N4BP2: variants seen among roughly 807,000 people sequenced by gnomAD.
N4BP2 encodes NEDD4-binding protein 2.
N4BP2 carries 91 observed loss-of-function variants against 152.8 expected under a neutral mutation model. That is an observed-to-expected ratio of 0.60 (90% CI 0.50 to 0.71). N4BP2 has a LOEUF of 0.71. Among genes scored for constraint, N4BP2 ranks in the 30% least tolerant of loss-of-function variants. The pLI, the probability that N4BP2 is intolerant of heterozygous loss-of-function variation, is 0.00. For synonymous variants in N4BP2, 646 were observed against 705.3 expected, an observed-to-expected ratio of 0.92 and a Z score of 1.33; for missense variants, 1,923 against 2,059.1, an observed-to-expected ratio of 0.93 and a Z score of 1.28.
At chr4:40,085,840 AATTTT>A (rs1439378531) in intron 2 of N4BP2, among the ~76,000 whole-genome samples, 22 of 152,194 alleles carry the variant, frequency 1.4e-4, no homozygotes, top group African/African-American at 5.3e-4. Flanking sequence ...CATTTGATTT[AATTTT>A]ATTTTCTAGT....
At chr4:40,062,913 A>G (rs1333404775) in intron 1 of N4BP2, among the ~76,000 whole-genome samples, 1 of 152,128 alleles carries the variant, frequency 6.6e-6, no homozygotes, top group Admixed American at 6.6e-5. Context: ...CTTTTATTAC[A>G]TTGTGATTGC....
At chr4:40,092,014 A>T (rs1386270323) in intron 2 of N4BP2, among the ~76,000 whole-genome samples, 8 of 85,790 alleles carry the variant, frequency 9.3e-5, no homozygotes, top group African/African-American at 3.6e-4. Context: ...AAAATTATAT[A>T]TATATATATA....
At chr4:40,146,951 T>A (rs1321754158) in intron 16 of N4BP2, among the ~76,000 whole-genome samples, 1 of 149,854 alleles carries the variant, frequency 6.7e-6, no homozygotes, top group Non-Finnish European at 1.5e-5. Context: ...CTTGGGTGTT[T>A]CTCGCAGAGG....
In N4BP2 at chr4:40,102,060, CTTG is replaced by C. The variant is rs765308394; in HGVS notation, c.230-7_230-5del. The C allele has an allele frequency of 2.1e-6, 3 of 1,458,570 alleles. No individual in the cohort carries two copies. The highest frequency in any genetic ancestry group is 2.3e-5 in the Admixed American group (1 of 43,696). 90.4% of individuals were successfully genotyped at this position (1,458,570 alleles called of 1,614,324 possible). A position where few individuals can be genotyped will look rare whatever the true frequency, so the allele number is the denominator to read the frequency against. On this transcript the variant is annotated splice_polypyrimidine_tract_variant and intron_variant, in intron 3 of 17. Transcript: ENST00000261435. ...CTATATTTTTGTTGTTGTTATTATT[CTTG>C]TTGTTGTACAGTTGAAAATGCTATG...
chr4:40,144,954 C>T (rs1720374626), intron 16 of N4BP2, among the ~76,000 whole-genome samples, 154 bp downstream of exon 16: 1 of 152,198 alleles, frequency 6.6e-6, no homozygotes, highest in Non-Finnish European at 1.5e-5. Context: ...AGAGAACCTT[C>T]TTGGGAAAGG....
intron 13 of N4BP2, 64 bp from the exon 14 acceptor site, chr4:40,136,880 G>A: frequency 8.0e-7 from 1 of 1,251,660 alleles, no homozygotes; most frequent in Non-Finnish European, 1.1e-6. Flanking sequence ...GATTGCTTGT[G>A]TTAATGTCCC....
chr4:40,120,976 A>G lies in N4BP2; in HGVS notation c.2865A>G (p.Glu955=). ...GAAGTTCTGAAATGCTGCTCAGTGA[A>G]ATGACCTGTGAGAGTCAGACTTGTC... ...NLGSSEMLLS[E]MTCESQTCLS... The change falls in exon 9 of 18, where the codon GAA becomes GAG. Residue 955 remains glutamate, a synonymous_variant. Coordinates refer to ENST00000261435, the MANE Select transcript of N4BP2 (RefSeq NM_018177.6). 1 of 1,614,204 alleles carries G rather than the reference A, an allele frequency of 6.2e-7. No individual in the cohort carries two copies. Among genetic ancestry groups the G allele is most frequent in the Non-Finnish European group, 8.5e-7 (1 of 1,180,040 alleles).
intron 13 of N4BP2, among the ~76,000 whole-genome samples, chr4:40,134,562 ATCT>A (rs1560629942): frequency 6.6e-6 from 1 of 152,092 alleles, no homozygotes; most frequent in East Asian, 1.9e-4. Context: ...TTGAGGTGTA[ATCT>A]TCTAGGGCTG....
At chr4:40,172,330 C>T in the N4BP2 span, among the ~76,000 whole-genome samples, 6 of 152,232 alleles carry the variant, frequency 3.9e-5, no homozygotes, top group African/African-American at 1.4e-4. Flanking sequence ...TTTCCCAGTG[C>T]ACTGACTCAA....
intron 2 of N4BP2, chr4:40,077,877 A>G (rs755121234): frequency 1.3e-5 from 2 of 152,206 alleles, no homozygotes; most frequent in Non-Finnish European, 2.9e-5. Flanking sequence ...TTATAAAATG[A>G]TATGGAGTGC....
intron 1 of N4BP2, among the ~76,000 whole-genome samples, chr4:40,067,878 C>T (rs1711705646): frequency 6.6e-6 from 1 of 151,932 alleles, no homozygotes; most frequent in South Asian, 2.1e-4. Flanking sequence ...TGGCGTTTTA[C>T]CATGTTGGCC....
At position 40,152,811 on chromosome 4, in the gene N4BP2, G is replaced by T; in HGVS notation, c.5175G>T (p.Leu1725Phe). Reference sequence around the variant, plus strand: ...AGCAGAACGGTGGGAAGCCCTATTTGTCTGTGATTACGGGGAGAGGAAACC... The same window carrying T: ...AGCAGAACGGTGGGAAGCCCTATTTTTCTGTGATTACGGGGAGAGGAAACC... The part of the protein sequence containing the change: ...EFKQNGGKPY[L>F]SVITGRGNHS... The change falls in exon 17 of 18, where the codon TTG (leucine) becomes TTT (phenylalanine). Residue 1725 changes from leucine (L) to phenylalanine (F), a missense_variant. Physicochemically the swap from Leu to Phe is conservative, Grantham distance 22 (BLOSUM62 0). Coordinates refer to ENST00000261435, the MANE Select transcript of N4BP2 (RefSeq NM_018177.6). The T allele has an allele frequency of 1.2e-6, 2 of 1,613,908 alleles. No homozygotes were observed. The highest frequency in any genetic ancestry group is 1.7e-6 in the Non-Finnish European group (2 of 1,179,930).
At chr4:40,134,664 G>A (rs1265726537) in intron 13 of N4BP2, among the ~76,000 whole-genome samples, 1 of 152,108 alleles carries the variant, frequency 6.6e-6, no homozygotes, top group African/African-American at 2.4e-5. Context: ...ATTGTTGGTA[G>A]CATCCAGCCC....
intron 14 of N4BP2, chr4:40,142,419 T>C (rs1311123183): frequency 5.4e-6 from 2 of 368,866 alleles, no homozygotes; most frequent in Non-Finnish European, 5.0e-6. Flanking sequence ...CTAATTGTAT[T>C]TTGATAATTT....
chr4:40,067,095 T>C (rs1711595187), intron 1 of N4BP2, among the ~76,000 whole-genome samples: 1 of 140,374 alleles, frequency 7.1e-6, no homozygotes, highest in African/African-American at 2.7e-5. Flanking sequence ...TCTTGCTCTG[T>C]CACCCAGGCT....
At chr4:40,062,206 G>A (rs902940716) in intron 1 of N4BP2, among the ~76,000 whole-genome samples, 1 of 151,620 alleles carries the variant, frequency 6.6e-6, no homozygotes, top group African/African-American at 2.4e-5. Flanking sequence ...AGTCTCCTGA[G>A]TAGCCGGGAC....
intron 4 of N4BP2, among the ~76,000 whole-genome samples, chr4:40,106,541 C>T (rs1430304920): frequency 6.6e-6 from 1 of 151,914 alleles, no homozygotes; most frequent in Non-Finnish European, 1.5e-5. Context: ...GATTTTTACT[C>T]TTTTATTTTA....
intron 2 of N4BP2, among the ~76,000 whole-genome samples, chr4:40,086,598 A>G (rs1347092815): frequency 6.6e-6 from 1 of 151,966 alleles, no homozygotes; most frequent in Non-Finnish European, 1.5e-5. Context: ...TTGGCCTCCC[A>G]AAGTGCAATT....
chr4:40,102,088 G>T lies in N4BP2; in HGVS notation c.243G>T (p.Met81Ile). The stretch of plus-strand genomic sequence containing the variant: ...GTTGTTGTACAGTTGAAAATGCTAT[G>T]GATTGTCTATTAGAATTATCTGCCA... The part of the protein sequence containing the change: ...SECDFKVENA[M>I]DCLLELSATD... Residue 81 changes from methionine (M) to isoleucine (I), a missense_variant, in exon 4 of 18, where the codon ATG becomes ATT. By Grantham distance (10) the Met-to-Ile change is conservative. Coordinates refer to ENST00000261435, the MANE Select transcript of N4BP2 (RefSeq NM_018177.6). The T allele has an allele frequency of 6.3e-7, 1 of 1,590,894 alleles. No homozygotes were observed. The highest frequency in any genetic ancestry group is 1.1e-5 in the South Asian group (1 of 88,444).
Sources: allele counts gnomAD v4.1 joint callset (sites outside exome capture counted in the v4.1 genomes callset), GRCh38; gene constraint gnomAD v4.1.1; transcripts MANE v1.5; gene names NCBI Gene and HGNC (gene_info 2026-07-23, HGNC 2026-07-21).